SHC3: variants seen among roughly 807,000 people sequenced by gnomAD.
SHC3 encodes the protein SHC-transforming protein 3.
In SHC3, 15 loss-of-function variants were observed where a neutral mutation model predicts 60.4. That is an observed-to-expected ratio of 0.25 (90% CI 0.17 to 0.38). The LOEUF (loss-of-function observed/expected upper bound fraction) is 0.38, where lower values mean the gene tolerates loss of function less well. Among genes scored for constraint, SHC3 ranks in the 10% least tolerant of loss-of-function variants. The pLI is 1.00. For missense variants in SHC3, 677 were observed against 786.1 expected, an observed-to-expected ratio of 0.86 and a Z score of 1.66; for synonymous variants, 294 against 325.9, an observed-to-expected ratio of 0.90 and a Z score of 1.05.
intron 2 of SHC3, among the ~76,000 whole-genome samples, chr9:89,098,349 G>A (rs1009594688): frequency 2.6e-5 from 4 of 152,194 alleles, no homozygotes; most frequent in Admixed American, 6.5e-5. Context: ...ATGAAATTTG[G>A]ATTTAGACTA....
At chr9:89,071,169 G>C (rs377158484) in intron 5 of SHC3, 30 bp downstream of exon 5, 4 of 1,610,364 alleles carry the variant, frequency 2.5e-6, no homozygotes, top group African/African-American at 2.7e-5. Context: ...TTCCCAACAA[G>C]AGCAAGAGAC....
At chr9:89,041,366 G>A (rs1045307796) in intron 10 of SHC3, among the ~76,000 whole-genome samples, 1 of 152,236 alleles carries the variant, frequency 6.6e-6, no homozygotes, top group African/African-American at 2.4e-5. Flanking sequence ...TGAGGAGCAT[G>A]TACCACTACC....
chr9:89,152,446 T>A (rs1017573697), intron 1 of SHC3, among the ~76,000 whole-genome samples: 10 of 152,248 alleles, frequency 6.6e-5, no homozygotes, highest in Non-Finnish European at 1.2e-4. Context: ...CTCAAGTTAG[T>A]TGTGGCTTGG....
At chr9:89,065,383 C>A (rs1825161784) in intron 6 of SHC3, 146 bp downstream of exon 6, 2 of 857,290 alleles carry the variant, frequency 2.3e-6, no homozygotes, top group South Asian at 1.6e-5. Flanking sequence ...GATCTACAAC[C>A]CTTGCAAACC....
At chr9:89,020,808 A>G (rs1182360035) in intron 11 of SHC3, among the ~76,000 whole-genome samples, 3 of 152,116 alleles carry the variant, frequency 2.0e-5, no homozygotes, top group African/African-American at 7.2e-5. Context: ...AGCAGTGACT[A>G]AGCTGGGCAC....
intron 1 of SHC3, among the ~76,000 whole-genome samples, chr9:89,149,428 A>T (rs1172352775): frequency 6.6e-6 from 1 of 152,128 alleles, no homozygotes; most frequent in Non-Finnish European, 1.5e-5. Flanking sequence ...CTTTTCACTT[A>T]ATCTAGGGAA....
At chr9:89,036,963 TAA>T (rs34705440) in intron 11 of SHC3, among the ~76,000 whole-genome samples, 2 of 141,958 alleles carry the variant, frequency 1.4e-5, no homozygotes, top group Non-Finnish European at 1.5e-5. Flanking sequence ...ACATATATGT[TAA>T]AAAAAAAAAA....
In SHC3 at chr9:89,178,035, CG is replaced by C; in HGVS notation, c.425del (p.Pro142ArgfsTer28). The C allele has an allele frequency of 1.6e-6, 2 of 1,230,336 alleles. No homozygotes were observed. The highest frequency in any genetic ancestry group is 2.0e-6 in the Non-Finnish European group (2 of 986,950). The allele number at this position is 1,230,336 out of a possible 1,614,324, so 76.2% of individuals were successfully genotyped here. On this transcript the variant is annotated frameshift_variant, in exon 1 of 12. Coordinates refer to ENST00000375835, the MANE Select transcript of SHC3 (RefSeq NM_016848.6). LOFTEE classifies it high-confidence loss of function. This position sits in a 1 kb window ranked among gnomAD's most constrained non-coding sequence, Gnocchi z 6.9. ...EPLPRPPRGA[P>X]HASDQVLGPG... is the part of the protein sequence containing the mutation. ...GCCCCAGCACCTGGTCGCTGGCGTG[CG>C]GCGCCCCCCGAGGGGGCCTGGGCAG...
intron 2 of SHC3, among the ~76,000 whole-genome samples, chr9:89,112,343 G>C (rs953183934): frequency 6.6e-6 from 1 of 152,224 alleles, no homozygotes; most frequent in Non-Finnish European, 1.5e-5. Flanking sequence ...TGCAAGGGCA[G>C]AGTGTCCTTC....
intron 9 of SHC3, among the ~76,000 whole-genome samples, chr9:89,043,201 A>G (rs775049118): frequency 6.6e-6 from 1 of 152,272 alleles, no homozygotes; most frequent in Middle Eastern, 3.4e-3. Flanking sequence ...GTGGCTGGAC[A>G]TTTGCCAGCA....
chr9:89,124,330 A>G (rs1248369513), intron 1 of SHC3, among the ~76,000 whole-genome samples: 1 of 152,228 alleles, frequency 6.6e-6, no homozygotes, highest in African/African-American at 2.4e-5. Context: ...CAGCAATCCC[A>G]TTACTGAGTA....
In SHC3 at chr9:89,038,117, C is replaced by G. The variant is rs1226747764; in HGVS notation, c.1532G>C (p.Gly511Ala). 2 of 1,614,078 alleles carry G rather than the reference C, an allele frequency of 1.2e-6. No individual in the cohort carries two copies. The highest frequency in any genetic ancestry group is 1.7e-6 in the Non-Finnish European group (2 of 1,180,016). ...GAAGTCTCCGTCTTTCTCCAGCAGC[C>G]CCTCTGCCTCCTTCCTGCTCATCTC... The part of the protein sequence containing the change: ...QGEMSRKEAE[G>A]LLEKDGDFLV... The change falls in exon 11 of 12, where the codon GGG (glycine) becomes GCG (alanine). Residue 511 changes from glycine (G) to alanine (A), a missense_variant. Physicochemically the swap from Gly to Ala is moderately conservative, Grantham distance 60 (BLOSUM62 0). Transcript: ENST00000375835.
chr9:89,139,432 T>C (rs978842490), intron 1 of SHC3, among the ~76,000 whole-genome samples: 1 of 152,242 alleles, frequency 6.6e-6, no homozygotes, highest in African/African-American at 2.4e-5. Context: ...AGAATAATTA[T>C]TTTTCACATA....
intron 1 of SHC3, among the ~76,000 whole-genome samples, chr9:89,159,251 C>G: frequency 6.6e-6 from 1 of 152,164 alleles, no homozygotes; most frequent in East Asian, 1.9e-4. Flanking sequence ...CAAAACTCTA[C>G]AGATAGAATA....
intron 1 of SHC3, among the ~76,000 whole-genome samples, chr9:89,171,819 A>G (rs1484170840): frequency 6.6e-6 from 1 of 152,206 alleles, no homozygotes; most frequent in African/African-American, 2.4e-5. Flanking sequence ...ACCTGGGCTC[A>G]TGGCTAGAAA....
intron 2 of SHC3, among the ~76,000 whole-genome samples, chr9:89,108,560 CAT>C (rs1491321993): frequency 1.4e-4 from 21 of 151,648 alleles, no homozygotes; most frequent in Non-Finnish European, 2.4e-4. Flanking sequence ...CACACACACA[CAT>C]ACACACATAC....
intron 2 of SHC3, among the ~76,000 whole-genome samples, chr9:89,111,634 G>A (rs1025049110): frequency 2.0e-5 from 3 of 151,902 alleles, no homozygotes; most frequent in African/African-American, 7.3e-5. Flanking sequence ...CTTCAGTGAG[G>A]AGGAAGAGGT....
Position 89,016,958 on chromosome 9 carries a change from T to C in SHC3, c.1657-3383A>G, listed in dbSNP as rs944707090. ...AAAGCATTTGACAAAATCCAACAAATCTTACCAAGAGATTTTTTCTTTTAA... is the reference window on the plus strand; with the variant it reads ...AAAGCATTTGACAAAATCCAACAAACCTTACCAAGAGATTTTTTCTTTTAA... On this transcript the variant is annotated intron_variant, in intron 11 of 11. Coordinates refer to ENST00000375835, the MANE Select transcript of SHC3 (RefSeq NM_016848.6). 3.9e-4 allele frequency among the ~76,000 whole-genome samples: 59 copies of C among 152,076 alleles called. 1 individual carries two copies. Among genetic ancestry groups the C allele is most frequent in the African/African-American group, 1.2e-3 (50 of 41,406 alleles).
intron 1 of SHC3, among the ~76,000 whole-genome samples, chr9:89,125,696 T>A (rs928456053): frequency 2.0e-5 from 3 of 152,168 alleles, no homozygotes; most frequent in African/African-American, 7.2e-5. Flanking sequence ...GAGTGACCTC[T>A]GGTTGTCCTC....
Sources: gnomAD v4.1 joint callset for allele counts (sites outside exome capture counted in the v4.1 genomes callset) on GRCh38, gnomAD v4.1.1 for gene constraint, Gnocchi (gnomAD v3.1) non-coding constraint, MANE v1.5 for transcripts, NCBI Gene and HGNC (gene_info 2026-07-23, HGNC 2026-07-21) for gene names.